The following ADGRG6 variants were observed in gnomAD, a reference collection of about 807,000 sequenced individuals.
The protein encoded by ADGRG6 is G-protein coupled receptor 126.
In ADGRG6, 84 loss-of-function variants were observed where a neutral mutation model predicts 142.4. The ratio of observed to expected loss-of-function variants is 0.59; its 90% confidence interval spans 0.49 to 0.71. The LOEUF is 0.71. ADGRG6 is among the 30% of genes least tolerant of loss of function. The probability of loss-of-function intolerance (pLI) is 0.00; values close to 1 mark genes in which losing one functional copy is unlikely to be tolerated. For missense variants in ADGRG6, 1,367 were observed against 1,466.6 expected (o/e 0.93, Z 1.11); for synonymous variants, 521 against 520.5 (o/e 1.00, Z -0.01).
At chr6:142,348,429 A>G (rs532463558) in intron 2 of ADGRG6, among the ~76,000 whole-genome samples, 3 of 152,114 alleles carry the variant, frequency 2.0e-5, no homozygotes, top group Non-Finnish European at 4.4e-5. Flanking sequence ...ATATTGGTAA[A>G]AAAAAGGAAA....
In ADGRG6 at chr6:142,443,705, A is replaced by AT; in HGVS notation, c.*191dup. 1 of 479,464 alleles carries AT rather than the reference A, an allele frequency of 2.1e-6. No homozygotes were observed. Among genetic ancestry groups the AT allele is most frequent in the Non-Finnish European group, 3.7e-6 (1 of 272,692 alleles). 29.7% of individuals were successfully genotyped at this position (479,464 alleles called of 1,614,324 possible). ...ATATTTCTTCCATGGAAGAGTTGTC[A>AT]TCACTAAAACTTCAGTACTGAGAGT... On this transcript the variant is annotated 3_prime_UTR_variant, in exon 25 of 25. Coordinates refer to ENST00000367609, the MANE Select transcript of ADGRG6 (RefSeq NM_198569.3).
chr6:142,417,198 T>C, intron 20 of ADGRG6, 75 bp from the exon 21 acceptor site: 1 of 789,970 alleles, frequency 1.3e-6, no homozygotes, highest in Non-Finnish European at 2.2e-6. Context: ...TTCTTTTCTT[T>C]ACATTTCATT....
At chr6:142,379,272 TG>T (rs1288954419) in intron 4 of ADGRG6, among the ~76,000 whole-genome samples, 1 of 152,244 alleles carries the variant, frequency 6.6e-6, no homozygotes, top group Non-Finnish European at 1.5e-5. Flanking sequence ...AGTTGCTAAA[TG>T]TTATGCATTC....
chr6:142,422,490 G>A (rs915613589), intron 22 of ADGRG6, among the ~76,000 whole-genome samples: 8 of 152,264 alleles, frequency 5.3e-5, no homozygotes, highest in East Asian at 1.9e-4. Flanking sequence ...CAAAGGACAC[G>A]AACTCATCAT....
intron 2 of ADGRG6, among the ~76,000 whole-genome samples, chr6:142,337,763 G>A (rs951125044): frequency 6.6e-5 from 10 of 151,916 alleles, no homozygotes; most frequent in Admixed American, 6.6e-4. Context: ...CAGTTGCTAA[G>A]TCCAGCTCTA....
chr6:142,340,851 C>T (rs1449870096), intron 2 of ADGRG6, among the ~76,000 whole-genome samples: 6 of 152,044 alleles, frequency 3.9e-5, no homozygotes, highest in African/African-American at 7.2e-5. Flanking sequence ...TGAGGATACT[C>T]TCATAGTTAA....
chr6:142,412,434 T>G lies in ADGRG6; in HGVS notation c.2541+1023T>G, dbSNP rs563821603. ...TCCTGTGGGGACTGGGAGGAAGCCT[T>G]GAGGATCTGTGGGATGTAGTATTTG... On this transcript the variant is annotated intron_variant, in intron 18 of 24. Coordinates refer to ENST00000367609, the MANE Select transcript of ADGRG6 (RefSeq NM_198569.3). 3.9e-5 allele frequency among the ~76,000 whole-genome samples: 6 copies of G among 152,234 alleles called. No homozygotes were observed. In the East Asian group the frequency reaches 1.2e-3, roughly 29 times the overall value.
At chr6:142,316,675 G>A (rs536115474) in intron 2 of ADGRG6, among the ~76,000 whole-genome samples, 14 of 152,222 alleles carry the variant, frequency 9.2e-5, no homozygotes, top group Admixed American at 2.0e-4. Context: ...GAATAGTTTA[G>A]CTGTATCACT....
intron 1 of ADGRG6, chr6:142,302,786 G>A (rs1168933123): frequency 5.9e-6 from 1 of 169,336 alleles, no homozygotes; most frequent in Non-Finnish European, 1.2e-5. Flanking sequence ...TGTCACCATT[G>A]ACTGTAGAAG....
intron 10 of ADGRG6, among the ~76,000 whole-genome samples, chr6:142,399,517 A>C: frequency 6.6e-6 from 1 of 152,134 alleles, no homozygotes; most frequent in Non-Finnish European, 1.5e-5. Flanking sequence ...TGACTGGAGA[A>C]CCCTAGGAGG....
chr6:142,382,252 T>A (rs1354255752), intron 5 of ADGRG6, among the ~76,000 whole-genome samples: 1 of 152,220 alleles, frequency 6.6e-6, no homozygotes, highest in Non-Finnish European at 1.5e-5. Flanking sequence ...CTCTGAGTTT[T>A]AAAAATGTGA....
chr6:142,446,118 G>T lies in ADGRG6; in HGVS notation c.*2603G>T, dbSNP rs1562402719. On this transcript the variant is annotated 3_prime_UTR_variant, in exon 25 of 25. Transcript: ENST00000367609. Reference sequence around the variant, plus strand: ...ATACTTTGTGAAATCATTTTTGGTAGCAATATCTTTGAATATGATGAATAA... The same window carrying T: ...ATACTTTGTGAAATCATTTTTGGTATCAATATCTTTGAATATGATGAATAA... 6.6e-6 allele frequency: 1 copy of T among 152,520 alleles called. No homozygotes were observed. Among genetic ancestry groups the T allele is most frequent in the Non-Finnish European group, 1.5e-5 (1 of 67,990 alleles). 9.4% of individuals were successfully genotyped at this position (152,520 alleles called of 1,614,324 possible). A position where few individuals can be genotyped will look rare whatever the true frequency, so the allele number is the denominator to read the frequency against.
intron 2 of ADGRG6, among the ~76,000 whole-genome samples, chr6:142,336,346 G>C (rs1306529903): frequency 6.6e-6 from 1 of 152,124 alleles, no homozygotes; most frequent in Admixed American, 6.5e-5. Flanking sequence ...TTCTAAGATT[G>C]ATTTTTGTTT....
At chr6:142,418,786 T>C (rs554356358) in intron 21 of ADGRG6, among the ~76,000 whole-genome samples, 23 of 152,246 alleles carry the variant, frequency 1.5e-4, no homozygotes, top group Middle Eastern at 3.4e-3. Context: ...TAATAACCAT[T>C]TGTGCTAGAA....
Position 142,416,014 on chromosome 6 carries a change from T to C in ADGRG6, c.2888T>C (p.Phe963Ser). Reference protein sequence around the residue: ...IHMYIALVKVFNTYIRRYILK... With the variant: ...IHMYIALVKVSNTYIRRYILK... ...ATGTACATTGCTCTAGTTAAAGTATTTAACACTTACATTCGCCGATACATT... is the reference window on the plus strand; with the variant it reads ...ATGTACATTGCTCTAGTTAAAGTATCTAACACTTACATTCGCCGATACATT... The change falls in exon 20 of 25, where the codon TTT (phenylalanine) becomes TCT (serine). Residue 963 changes from phenylalanine to serine, a missense_variant. Coordinates refer to ENST00000367609, the MANE Select transcript of ADGRG6 (RefSeq NM_198569.3). 1 of 1,612,546 alleles carries C rather than the reference T, an allele frequency of 6.2e-7. No individual in the cohort carries two copies. Among genetic ancestry groups the C allele is most frequent in the Non-Finnish European group, 8.5e-7 (1 of 1,178,754 alleles).
intron 2 of ADGRG6, among the ~76,000 whole-genome samples, chr6:142,320,801 T>C (rs1246752254): frequency 6.6e-6 from 1 of 152,038 alleles, no homozygotes; most frequent in Non-Finnish European, 1.5e-5. Flanking sequence ...TTATTTGAAA[T>C]ACACCATTAA....
rs186507359 is a variant in ADGRG6 at position 142,399,550 on chromosome 6, T to C, written c.1568-935T>C. Among the ~76,000 whole-genome samples, 345 of 152,340 alleles carry C rather than the reference T, an allele frequency of 2.3e-3. 2 individuals carry two copies. The highest frequency in any genetic ancestry group is 2.3e-3 in the Non-Finnish European group (154 of 68,032). On this transcript the variant is annotated intron_variant, in intron 10 of 24. Transcript: ENST00000367609. Reference sequence around the variant, plus strand: ...AGGACCAGCACTGGCTCTGTCCTCATAGGCTGTGAAAGCCCAGCACCACTC... The same window carrying C: ...AGGACCAGCACTGGCTCTGTCCTCACAGGCTGTGAAAGCCCAGCACCACTC...
At chr6:142,443,220 C>T (rs573112646) in intron 24 of ADGRG6, 117 bp from the exon 25 acceptor site, 6 of 612,688 alleles carry the variant, frequency 9.8e-6, no homozygotes, top group African/African-American at 3.8e-5. Flanking sequence ...AAGAAAGAAT[C>T]GGAGCTTTAT....
intron 22 of ADGRG6, among the ~76,000 whole-genome samples, chr6:142,422,050 A>C (rs1199844015): frequency 2.0e-5 from 3 of 152,182 alleles, no homozygotes; most frequent in Non-Finnish European, 4.4e-5. Context: ...TGTTAGCAGT[A>C]TATGCTTTGT....
Sources: allele counts gnomAD v4.1 joint callset (sites outside exome capture counted in the v4.1 genomes callset), GRCh38; gene constraint gnomAD v4.1.1; transcripts MANE v1.5; gene names NCBI Gene and HGNC (gene_info 2026-07-23, HGNC 2026-07-21).